The following CHD7 variants were observed in gnomAD, a reference collection of about 807,000 sequenced individuals.
CHD7 encodes chromodomain helicase DNA binding protein 7, also known as ATP-dependent chromatin remodeler CHD7.
Under a neutral mutation model 307.3 loss-of-function variants are expected in CHD7, and 24 were observed. The observed-to-expected ratio is 0.08, with a 90% CI of 0.06 to 0.11. CHD7 has a LOEUF of 0.11. Ranked by LOEUF, CHD7 falls within the 10% of genes least tolerant of loss-of-function variation. CHD7 has a pLI of 1.00. For missense variants in CHD7, 3,106 were observed against 3,727.1 expected (o/e 0.83, Z 4.34); for synonymous variants, 1,363 against 1,349.9 (o/e 1.01, Z -0.21).
chr8:60,742,733 A>G lies in CHD7; in HGVS notation c.1301A>G (p.Gln434Arg). 6.2e-7 allele frequency: 1 copy of G among 1,613,940 alleles called. No individual in the cohort carries two copies. The highest frequency in any genetic ancestry group is 8.5e-7 in the Non-Finnish European group (1 of 1,179,814). ...AGTTATCCAAATATGCCCCATCCTCAGCCATCTCACCAGCCCCCTGGTGCC... is the reference window on the plus strand; with the variant it reads ...AGTTATCCAAATATGCCCCATCCTCGGCCATCTCACCAGCCCCCTGGTGCC... ...VGSYPNMPHP[Q>R]PSHQPPGAMG... The change falls in exon 2 of 38, where the codon CAG (glutamine) becomes CGG (arginine). Residue 434 changes from glutamine (Q) to arginine (R), a missense_variant. Transcript: ENST00000423902.
At chr8:60,713,081 A>G (rs1807366263) in intron 1 of CHD7, among the ~76,000 whole-genome samples, 1 of 147,632 alleles carries the variant, frequency 6.8e-6, no homozygotes, top group South Asian at 2.2e-4. Flanking sequence ...TTCTTTCCAG[A>G]TTAAATTGCT....
At chr8:60,854,056 A>G (rs1471317145) in intron 31 of CHD7, among the ~76,000 whole-genome samples, 1 of 152,224 alleles carries the variant, frequency 6.6e-6, no homozygotes, top group Non-Finnish European at 1.5e-5. Flanking sequence ...GTGGAAGAAC[A>G]TAGACTCTTG....
chr8:60,829,941 C>T (rs770432665), intron 14 of CHD7, among the ~76,000 whole-genome samples: 1 of 152,194 alleles, frequency 6.6e-6, no homozygotes, highest in Non-Finnish European at 1.5e-5. Flanking sequence ...TTCTTTAGCT[C>T]TCCCTAGAAA....
intron 1 of CHD7, among the ~76,000 whole-genome samples, chr8:60,697,722 A>G (rs1490442710): frequency 1.3e-5 from 2 of 152,214 alleles, no homozygotes; most frequent in African/African-American, 2.4e-5. Flanking sequence ...TGTATTTTTC[A>G]ATTTGGTGTA....
At chr8:60,792,892 A>G (rs902801032) in intron 3 of CHD7, among the ~76,000 whole-genome samples, 5 of 152,246 alleles carry the variant, frequency 3.3e-5, no homozygotes, top group Non-Finnish European at 5.9e-5. Flanking sequence ...AATTTGAGAA[A>G]TATGTAAAGT....
At chr8:60,845,500 A>G (rs1202669498) in intron 23 of CHD7, 91 bp downstream of exon 23, 8 of 1,384,818 alleles carry the variant, frequency 5.8e-6, no homozygotes, top group Non-Finnish European at 7.9e-6. Context: ...CTGCAGATGC[A>G]GAACTCGCAG....
intron 2 of CHD7, among the ~76,000 whole-genome samples, chr8:60,743,361 A>G (rs1377268548): frequency 6.6e-6 from 1 of 152,248 alleles, no homozygotes. Context: ...AGGGAGATGG[A>G]CAGAGGACTC....
At chr8:60,701,601 TA>T (rs1806764824) in intron 1 of CHD7, among the ~76,000 whole-genome samples, 1 of 152,240 alleles carries the variant, frequency 6.6e-6, no homozygotes, top group Non-Finnish European at 1.5e-5. Context: ...CTACCTTATA[TA>T]ATGGGAATAT....
chr8:60,777,005 A>G (rs966927636), intron 2 of CHD7, among the ~76,000 whole-genome samples: 7 of 152,170 alleles, frequency 4.6e-5, no homozygotes, highest in Non-Finnish European at 1.0e-4. Flanking sequence ...AAAAGCTTGT[A>G]TTTATGTTAC....
At chr8:60,818,086 C>T (rs1046222246) in intron 8 of CHD7, among the ~76,000 whole-genome samples, 2 of 152,204 alleles carry the variant, frequency 1.3e-5, no homozygotes, top group African/African-American at 4.8e-5. Flanking sequence ...TGGGAGTTAG[C>T]AGAGAAGGAT....
At chr8:60,863,387 CAT>C (rs1806096312) in intron 37 of CHD7, 2 of 152,274 alleles carry the variant, frequency 1.3e-5, no homozygotes, top group East Asian at 1.9e-4. Context: ...TCGATGGTCA[CAT>C]GTGTCACAGT....
intron 7 of CHD7, chr8:60,809,668 GAAAAAAAAAAAAAAA>G (rs36108691): frequency 2.1e-5 from 2 of 96,340 alleles, no homozygotes; most frequent in African/African-American, 8.8e-5. Flanking sequence ...AGGGAGTTTT[GAAAAAAAAAAAAAAA>G]AAAAAAAAAA....
At position 60,866,436 on chromosome 8, in the gene CHD7, C is replaced by A. The variant is rs1484528552; in HGVS notation, c.*503C>A. 1 of 152,844 alleles carries A rather than the reference C, an allele frequency of 6.5e-6. No individual in the cohort carries two copies. Among genetic ancestry groups the A allele is most frequent in the Non-Finnish European group, 1.5e-5 (1 of 68,240 alleles). The allele number at this position is 152,844 out of a possible 1,614,324, so 9.5% of individuals were successfully genotyped here. ...GGGTTCCCACACTCGTGCATACACA[C>A]ACATCCATACACTCTGACAATCTCC... On this transcript the variant is annotated 3_prime_UTR_variant, in exon 38 of 38. Transcript: ENST00000423902.
At chr8:60,784,468 T>A (rs963323987) in intron 3 of CHD7, among the ~76,000 whole-genome samples, 1 of 152,210 alleles carries the variant, frequency 6.6e-6, no homozygotes, top group Non-Finnish European at 1.5e-5. Flanking sequence ...AGTGTGCTGT[T>A]CTTTGAGCTG....
chr8:60,862,056 G>T, intron 35 of CHD7, 140 bp from the exon 36 acceptor site: 1 of 662,218 alleles, frequency 1.5e-6, no homozygotes, highest in Non-Finnish European at 2.3e-6. Flanking sequence ...AGAAAAATAT[G>T]GTTTCTAATA....
At chr8:60,841,575 C>A in intron 19 of CHD7, 69 bp from the exon 20 acceptor site, 1 of 1,232,988 alleles carries the variant, frequency 8.1e-7, no homozygotes, top group Non-Finnish European at 1.2e-6. Flanking sequence ...AATACATAAA[C>A]AAAAGCTGCT....
intron 15 of CHD7, among the ~76,000 whole-genome samples, chr8:60,835,564 T>A (rs536601782): frequency 1.3e-5 from 2 of 152,238 alleles, no homozygotes; most frequent in Non-Finnish European, 2.9e-5. Flanking sequence ...CTTTTTGTAG[T>A]TCCTTTGCCT....
chr8:60,860,994 A>G lies in CHD7; in HGVS notation c.7699A>G (p.Thr2567Ala). The change falls in exon 35 of 38, where the codon ACA (threonine) becomes GCA (alanine). Residue 2567 changes from threonine to alanine, a missense_variant. Around this residue, in one of 10 missense-constraint regions of CHD7, gnomAD observed 1,030 missense variants for 1,165.4 expected, o/e 0.88. Transcript: ENST00000423902. Reference protein sequence around the residue: ...IPSPGQLDPDTRIPVINLEDG... With the variant: ...IPSPGQLDPDARIPVINLEDG... ...TTCTCCCGGACAGCTGGACCCAGAC[A>G]CACGGATCCCTGTTATCAATCTTGA... The G allele has an allele frequency of 4.3e-6, 7 of 1,613,978 alleles. No individual in the cohort carries two copies. The highest frequency in any genetic ancestry group is 5.9e-6 in the Non-Finnish European group (7 of 1,179,868).
intron 7 of CHD7, among the ~76,000 whole-genome samples, chr8:60,814,393 G>A (rs1467307410): frequency 6.6e-6 from 1 of 152,204 alleles, no homozygotes; most frequent in African/African-American, 2.4e-5. Context: ...GCCTTTTTCT[G>A]TCAAATAATT....
Sources: gnomAD v4.1 joint callset for allele counts (sites outside exome capture counted in the v4.1 genomes callset) on GRCh38, gnomAD v4.1.1 for gene constraint, gnomAD v4.1.1 regional missense constraint, MANE v1.5 for transcripts, NCBI Gene and HGNC (gene_info 2026-07-23, HGNC 2026-07-21) for gene names.